Variants in EHBP1L1 observed in about 807,000 individuals in gnomAD.
EHBP1L1 encodes EH domain-binding protein 1-like protein 1.
A neutral mutation model predicts 151.1 loss-of-function variants in EHBP1L1; 122 were observed. The observed-to-expected ratio is 0.81, with a 90% CI of 0.70 to 0.94. EHBP1L1 has a LOEUF of 0.94. Ranked by LOEUF, EHBP1L1 falls within the 40% of genes least tolerant of loss-of-function variation. EHBP1L1 has a pLI of 0.00. For synonymous variants in EHBP1L1, 878 were observed against 810.1 expected (o/e 1.08, Z -1.42); for missense variants, 1,941 against 1,959.8 (o/e 0.99, Z 0.18).
rs576660708 is a variant in EHBP1L1, at chr11:65,582,099, C to T, written c.1427C>T (p.Ser476Leu). ...GTCAGGACCAGGGATGAGGCTCCCT[C>T]AGGCCTGAGCCTGCCCCCAGCGGAG... ...LGVRTRDEAP[S>L]GLSLPPAEPA... The change falls in exon 9 of 19, where the codon TCA (serine) becomes TTA (leucine). Residue 476 changes from serine (S) to leucine (L), a missense_variant. Coordinates refer to ENST00000309295, the MANE Select transcript of EHBP1L1 (RefSeq NM_001099409.3). The T allele has an allele frequency of 5.0e-6, 8 of 1,605,716 alleles. No individual in the cohort carries two copies. In the South Asian group the frequency reaches 8.8e-5, roughly 18 times the overall value.
In EHBP1L1 at chr11:65,581,124, C is replaced by G. The variant is rs1197927901; in HGVS notation, c.701C>G (p.Ala234Gly). 6.2e-7 allele frequency: 1 copy of G among 1,612,994 alleles called. No individual in the cohort carries two copies. Among genetic ancestry groups the G allele is most frequent in the Non-Finnish European group, 8.5e-7 (1 of 1,179,670 alleles). The change falls in exon 7 of 19, where the codon GCA becomes GGA. Residue 234 changes from alanine to glycine, a missense_variant and splice_region_variant. Transcript: ENST00000309295. ...EEEGQGRPQQAVASPSNAEDT... is the reference protein window; with the variant it reads ...EEEGQGRPQQGVASPSNAEDT... Reference sequence around the variant, plus strand: ...GAAGGCCAAGGACGACCCCAGCAGGCAGGTGAGACCCAGGCTGGGGTTGGG... The same window carrying G: ...GAAGGCCAAGGACGACCCCAGCAGGGAGGTGAGACCCAGGCTGGGGTTGGG...
intron 2 of EHBP1L1, 81 bp from the exon 3 acceptor site, chr11:65,579,260 A>T: frequency 6.9e-7 from 1 of 1,456,432 alleles, no homozygotes; most frequent in Non-Finnish European, 9.3e-7. Flanking sequence ...GGAGGGGAAG[A>T]TGGTGTCAAG....
In EHBP1L1 at chr11:65,582,998, A is replaced by G; in HGVS notation, c.2326A>G (p.Thr776Ala). 1 of 1,613,052 alleles carries G rather than the reference A, an allele frequency of 6.2e-7. No individual in the cohort carries two copies. Among genetic ancestry groups the G allele is most frequent in the African/African-American group, 1.3e-5 (1 of 74,926 alleles). Residue 776 changes from threonine (T) to alanine (A), a missense_variant, in exon 9 of 19, where the codon ACC becomes GCC. Coordinates refer to ENST00000309295, the MANE Select transcript of EHBP1L1 (RefSeq NM_001099409.3). ...TGAAEGAILGTQEIASRDSGV... is the reference protein window; with the variant it reads ...TGAAEGAILGAQEIASRDSGV... ...GGCAGCAGAAGGTGCGATATTGGGGACCCAAGAGATAGCATCTAGGGATTC... is the reference window on the plus strand; with the variant it reads ...GGCAGCAGAAGGTGCGATATTGGGGGCCCAAGAGATAGCATCTAGGGATTC...
intron 13 of EHBP1L1, 39 bp downstream of exon 13, chr11:65,589,859 C>A: frequency 6.5e-7 from 1 of 1,545,634 alleles, no homozygotes; most frequent in South Asian, 1.2e-5. Context: ...GTTCAGGCTG[C>A]TCACAAAGCC....
rs759574376 is a variant in EHBP1L1 at position 65,580,356 on chromosome 11, C to T, written c.511C>T (p.Leu171Phe). The change falls in exon 6 of 19, where the codon CTC (leucine) becomes TTC (phenylalanine). Residue 171 changes from leucine (L) to phenylalanine (F), a missense_variant. Physicochemically the swap from Leu to Phe is conservative, Grantham distance 22. Transcript: ENST00000309295. ...GRATDDDMQS[L>F]ASLMSVKPSD... ...TCCCAGGGACGATGACATGCAGAGT[C>T]TCGCAAGCCTCATGAGTGTGAAGCC... The T allele has an allele frequency of 6.2e-7, 1 of 1,613,812 alleles. No homozygotes were observed. Among genetic ancestry groups the T allele is most frequent in the Non-Finnish European group, 8.5e-7 (1 of 1,179,860 alleles).
rs143583907 is a variant in EHBP1L1, at chr11:65,576,799, G to C, written c.104+393G>C. Reference sequence around the variant, plus strand: ...CTAGGGCTGGGGCAGGAGCCTCCCTGACCTTACTTAGTCCAGCTAAGAACA... The same window carrying C: ...CTAGGGCTGGGGCAGGAGCCTCCCTCACCTTACTTAGTCCAGCTAAGAACA... On this transcript the variant is annotated intron_variant, in intron 1 of 18. Coordinates refer to ENST00000309295, the MANE Select transcript of EHBP1L1 (RefSeq NM_001099409.3). Among the ~76,000 whole-genome samples, 718 of 151,524 alleles carry C rather than the reference G, an allele frequency of 4.7e-3. 6 individuals carry two copies. The highest frequency in any genetic ancestry group is 0.016 in the African/African-American group (645 of 41,360).
rs765355565 is a variant in EHBP1L1, at chr11:65,590,090, C to T, written c.4063C>T (p.Arg1355Trp). The T allele has an allele frequency of 3.1e-6, 5 of 1,613,854 alleles. No homozygotes were observed. In the South Asian group the frequency reaches 4.4e-5, roughly 14 times the overall value. ...PSPGEEAGLQ[R>W]FQDTSQYVCA... ...TCTCTGCCTTTTCCACCCCCAGCAA[C>T]GGTTCCAGGACACAAGTCAGTACGT... is the stretch of plus-strand genomic sequence containing the variant. The change falls in exon 15 of 19, where the codon CGG becomes TGG. Residue 1355 changes from arginine (R) to tryptophan (W), a missense_variant. Arg to Trp is a moderately radical substitution (Grantham distance 101, BLOSUM62 -3). Coordinates refer to ENST00000309295, the MANE Select transcript of EHBP1L1 (RefSeq NM_001099409.3).
intron 14 of EHBP1L1, 27 bp downstream of exon 14, chr11:65,590,018 G>A (rs1858180833): frequency 6.2e-7 from 1 of 1,608,404 alleles, no homozygotes; most frequent in African/African-American, 1.3e-5. Flanking sequence ...GGGAGGAGCT[G>A]ATGGGTGAGC....
rs1010229447 is a variant in EHBP1L1 at position 65,584,858 on chromosome 11, G to C, written c.3301-101G>C. 6.2e-6 allele frequency: 9 copies of C among 1,445,422 alleles called. 1 individual carries two copies. In the South Asian group the frequency reaches 1.0e-4, roughly 17 times the overall value. 89.5% of individuals were successfully genotyped at this position (1,445,422 alleles called of 1,614,324 possible). On this transcript the variant is annotated intron_variant, in intron 11 of 18. Transcript: ENST00000309295. Reference sequence around the variant, plus strand: ...GGGCGGTGTTGCTAGGCAAAACCCGGGGTGCCAATCCCGGGGACCCCCTCC... The same window carrying C: ...GGGCGGTGTTGCTAGGCAAAACCCGCGGTGCCAATCCCGGGGACCCCCTCC...
Position 65,590,605 on chromosome 11 carries a change from C to T in EHBP1L1, c.4283+13C>T, listed in dbSNP as rs1475620442. 1.2e-6 allele frequency: 2 copies of T among 1,612,196 alleles called. No homozygotes were observed. The highest frequency in any genetic ancestry group is 1.7e-6 in the Non-Finnish European group (2 of 1,179,224). On this transcript the variant is annotated intron_variant, in intron 16 of 18. Coordinates refer to ENST00000309295, the MANE Select transcript of EHBP1L1 (RefSeq NM_001099409.3). ...AGCTGCAGCTGCTGTGAGTGCTGGC[C>T]CCGGGCCAGGAGAGCAGAGGGACTC...
At position 65,583,583 on chromosome 11, in the gene EHBP1L1, A is replaced by C. The variant is rs1373547709; in HGVS notation, c.2911A>C (p.Thr971Pro). 5 of 1,607,050 alleles carry C rather than the reference A, an allele frequency of 3.1e-6. No individual in the cohort carries two copies. The highest frequency in any genetic ancestry group is 4.3e-6 in the Non-Finnish European group (5 of 1,175,470). ...VLESPENKSG[T>P]FKAQEAEAGV... ...AGAGTCTCCAGAGAACAAATCTGGT[A>C]CTTTTAAGGCCCAGGAAGCGGAGGC... The change falls in exon 9 of 19, where the codon ACT (threonine) becomes CCT (proline). Residue 971 changes from threonine to proline, a missense_variant. Transcript: ENST00000309295.
At position 65,581,045 on chromosome 11, in the gene EHBP1L1, C is replaced by G; in HGVS notation, c.635-13C>G. On this transcript the variant is annotated splice_polypyrimidine_tract_variant and intron_variant, in intron 6 of 18. Coordinates refer to ENST00000309295, the MANE Select transcript of EHBP1L1 (RefSeq NM_001099409.3). ...GCTGACTCTGCCCTTCTCCCCTCTC[C>G]TACCATTCCCAGATCCCTCTCGAGA... The G allele has an allele frequency of 6.3e-7, 1 of 1,597,610 alleles. No homozygotes were observed. Among genetic ancestry groups the G allele is most frequent in the Non-Finnish European group, 8.5e-7 (1 of 1,172,462 alleles).
Position 65,590,007 on chromosome 11 carries a change from TGGG to T in EHBP1L1, c.4059+17_4059+19del, listed in dbSNP as rs746761452. On this transcript the variant is annotated intron_variant, in intron 14 of 18. Transcript: ENST00000309295. The stretch of plus-strand genomic sequence containing the variant: ...GGCTGGGCTGGTAAGGAGGGCTAAG[TGGG>T]AGGAGCTGATGGGTGAGCACCACCT... The T allele has an allele frequency of 2.5e-6, 4 of 1,605,202 alleles. No homozygotes were observed. In the South Asian group the frequency reaches 4.4e-5, roughly 18 times the overall value.
At chr11:65,580,615 G>A in intron 6 of EHBP1L1, 136 bp downstream of exon 6, 2 of 1,189,218 alleles carry the variant, frequency 1.7e-6, no homozygotes, top group Non-Finnish European at 1.2e-6. Context: ...CAACCCAGCA[G>A]CCTCAATTGT....
In EHBP1L1 at chr11:65,581,735, G is replaced by A; in HGVS notation, c.1063G>A (p.Gly355Arg). Reference sequence around the variant, plus strand: ...CCCTCAGGAAGGGACAGAAGCCCATGGAGCTAGGCTGGGCCCGAGCATTGA... The same window carrying A: ...CCCTCAGGAAGGGACAGAAGCCCATAGAGCTAGGCTGGGCCCGAGCATTGA... ...ACPQEGTEAH[G>R]ARLGPSIEDK... is the part of the protein sequence containing the mutation. Residue 355 changes from glycine to arginine, a missense_variant, in exon 9 of 19, where the codon GGA (glycine) becomes AGA (arginine). Physicochemically the swap from Gly to Arg is moderately radical, Grantham distance 125 (BLOSUM62 -2). Coordinates refer to ENST00000309295, the MANE Select transcript of EHBP1L1 (RefSeq NM_001099409.3). 6.2e-7 allele frequency: 1 copy of A among 1,600,684 alleles called. No homozygotes were observed. Among genetic ancestry groups the A allele is most frequent in the East Asian group, 2.3e-5 (1 of 44,292 alleles).
chr11:65,580,239 G>A lies in EHBP1L1; in HGVS notation c.471G>A (p.Leu157=). Residue 157 remains leucine (L), a synonymous_variant, in exon 5 of 19, where the codon CTG becomes CTA. Coordinates refer to ENST00000309295, the MANE Select transcript of EHBP1L1 (RefSeq NM_001099409.3). ...TGAGCCTCACTCTTTCCGGGGTGCT[G>A]CTGCGGGAGGGCCGTGCCACGTGAG... The part of the protein sequence containing the change: ...AELSLTLSGV[L]LREGRATDDD... 1 of 1,613,506 alleles carries A rather than the reference G, an allele frequency of 6.2e-7. No individual in the cohort carries two copies.
Position 65,580,064 on chromosome 11 carries a change from T to G in EHBP1L1, c.313-17T>G. ...AGCACTGATGCCCCTTCTCCTGGTC[T>G]CTCCCCTGGCCCACAGGAGTCTAAG... On this transcript the variant is annotated splice_polypyrimidine_tract_variant and intron_variant, in intron 4 of 18. Transcript: ENST00000309295. 6.2e-7 allele frequency: 1 copy of G among 1,612,404 alleles called. No homozygotes were observed. The highest frequency in any genetic ancestry group is 1.3e-5 in the African/African-American group (1 of 74,992).
rs1857685237 is a variant in EHBP1L1, at chr11:65,582,657, G to A, written c.1985G>A (p.Gly662Glu). ...CAGAAAACAGAAGCTGGGGGTTCAG[G>A]AGTTTTGCAGACAAGAACTACGATA... ...GTQKTEAGGS[G>E]VLQTRTTIAE... is the part of the protein sequence containing the mutation. The change falls in exon 9 of 19, where the codon GGA becomes GAA. Residue 662 changes from glycine to glutamate, a missense_variant. Gly to Glu is a moderately conservative substitution (Grantham distance 98). Coordinates refer to ENST00000309295, the MANE Select transcript of EHBP1L1 (RefSeq NM_001099409.3). The A allele has an allele frequency of 1.2e-6, 2 of 1,613,614 alleles. No homozygotes were observed. The highest frequency in any genetic ancestry group is 1.7e-6 in the Non-Finnish European group (2 of 1,179,846).
rs1483537584 is a variant in EHBP1L1 at position 65,577,643 on chromosome 11, GAGT to G, written c.104+1238_104+1240del. On this transcript the variant is annotated intron_variant, in intron 1 of 18. Transcript: ENST00000309295. Reference sequence around the variant, plus strand: ...CTTCCCAGGAGGGCGTGCCCAGCCTGAGTCAGGCTGCCCAGCCAAGCCCTGCCC... The same window carrying G: ...CTTCCCAGGAGGGCGTGCCCAGCCTGCAGGCTGCCCAGCCAAGCCCTGCCC... 4.6e-5 allele frequency among the ~76,000 whole-genome samples: 7 copies of G among 152,206 alleles called. No individual in the cohort carries two copies. The East Asian group carries it at 1.4e-3, about 29-fold the overall frequency.
Sources: gnomAD v4.1 joint callset for allele counts (sites outside exome capture counted in the v4.1 genomes callset) on GRCh38, gnomAD v4.1.1 for gene constraint, MANE v1.5 for transcripts, NCBI Gene and HGNC (gene_info 2026-07-23, HGNC 2026-07-21) for gene names.